CADPS: variants seen among roughly 807,000 people sequenced by gnomAD.
The protein encoded by CADPS is calcium dependent secretion activator.
CADPS carries 57 observed loss-of-function variants against 167.3 expected under a neutral mutation model. The observed-to-expected ratio is 0.34, with a 90% CI of 0.28 to 0.42. CADPS has a LOEUF of 0.42. Ranked by LOEUF, CADPS falls within the 20% of genes least tolerant of loss-of-function variation. The probability of loss-of-function intolerance (pLI) is 1.00; values close to 1 mark genes in which losing one functional copy is unlikely to be tolerated. For synonymous variants in CADPS, 676 were observed against 635.3 expected, an observed-to-expected ratio of 1.06 and a Z score of -0.96; for missense variants, 1,414 against 1,738.1, an observed-to-expected ratio of 0.81 and a Z score of 3.32.
In CADPS at chr3:62,544,733, G is replaced by C. The variant is rs1188987707; in HGVS notation, c.1966+5170C>G. On this transcript the variant is annotated intron_variant, in intron 11 of 29. Transcript: ENST00000383710. The surrounding 1 kb of genome is among the most constrained non-coding windows in gnomAD (Gnocchi z 4.4). ...TAAGGTCAGGAAAATAACATGAAAA[G>C]TTGTACTACAAATTCTAGACATGAG... 1 of 366,058 alleles carries C rather than the reference G, an allele frequency of 2.7e-6. No homozygotes were observed. The highest frequency in any genetic ancestry group is 1.4e-4 in the East Asian group (1 of 6,992). 22.7% of individuals were successfully genotyped at this position (366,058 alleles called of 1,614,324 possible).
intron 11 of CADPS, among the ~76,000 whole-genome samples, chr3:62,540,571 T>C (rs944938284): frequency 5.9e-5 from 9 of 152,134 alleles, no homozygotes; most frequent in Non-Finnish European, 1.3e-4. Flanking sequence ...GAAAAAAATC[T>C]TATAGAAGGA....
Position 62,514,660 on chromosome 3 carries a change from C to G in CADPS, c.2581+1399G>C, listed in dbSNP as rs192907029. Reference sequence around the variant, plus strand: ...GATAGATTTATCTGAAAGAAGAGAGCAGATCTTACCAAAAGACTAGTAGTA... The same window carrying G: ...GATAGATTTATCTGAAAGAAGAGAGGAGATCTTACCAAAAGACTAGTAGTA... On this transcript the variant is annotated intron_variant, in intron 16 of 29. Transcript: ENST00000383710. This position sits in a 1 kb window ranked among gnomAD's most constrained non-coding sequence, Gnocchi z 4.2. Among the ~76,000 whole-genome samples the G allele has an allele frequency of 6.6e-6, 1 of 152,194 alleles. No homozygotes were observed. Among genetic ancestry groups the G allele is most frequent in the East Asian group, 1.9e-4 (1 of 5,170 alleles).
chr3:62,808,446 A>G (rs1167262688), intron 1 of CADPS, among the ~76,000 whole-genome samples: 1 of 152,138 alleles, frequency 6.6e-6, no homozygotes, highest in Non-Finnish European at 1.5e-5. Context: ...GGGTGCGGTC[A>G]AAAAGTCCTG....
chr3:62,846,751 C>A (rs185367488), intron 1 of CADPS, among the ~76,000 whole-genome samples: 1 of 152,164 alleles, frequency 6.6e-6, no homozygotes, highest in African/African-American at 2.4e-5. Context: ...ACAACTTCCA[C>A]CTCCAGAGTT....
At position 62,471,388 on chromosome 3, in the gene CADPS, C is replaced by T. The variant is rs146372730; in HGVS notation, c.3477+2785G>A. ...TTGGTCAAGAAGGTCCCCAGGTCGTCTGAAATTGTAGAGTAATAATATATG... is the reference window on the plus strand; with the variant it reads ...TTGGTCAAGAAGGTCCCCAGGTCGTTTGAAATTGTAGAGTAATAATATATG... On this transcript the variant is annotated intron_variant, in intron 24 of 29. Coordinates refer to ENST00000383710, the MANE Select transcript of CADPS (RefSeq NM_003716.4). Among the ~76,000 whole-genome samples, 4 of 152,256 alleles carry T rather than the reference C, an allele frequency of 2.6e-5. No homozygotes were observed. The East Asian group carries it at 7.7e-4, about 29-fold the overall frequency.
At chr3:62,409,439 T>C (rs932778254) in intron 28 of CADPS, among the ~76,000 whole-genome samples, 2 of 152,236 alleles carry the variant, frequency 1.3e-5, no homozygotes, top group Non-Finnish European at 2.9e-5. Flanking sequence ...TTTATGAAGA[T>C]AGAAAGTTGC....
chr3:62,785,072 C>T (rs2092288337), intron 1 of CADPS, among the ~76,000 whole-genome samples: 1 of 151,888 alleles, frequency 6.6e-6, no homozygotes, highest in Non-Finnish European at 1.5e-5. Flanking sequence ...TAAAATAATT[C>T]ATTTCAGGAG....
chr3:62,473,618 G>A (rs2060887138), intron 24 of CADPS: 1 of 152,006 alleles, frequency 6.6e-6, no homozygotes, highest in African/African-American at 2.4e-5. Context: ...ACTTAGCAAA[G>A]GACTAAACTT....
chr3:62,606,067 T>C (rs2060651511), intron 6 of CADPS, among the ~76,000 whole-genome samples: 1 of 152,102 alleles, frequency 6.6e-6, no homozygotes, highest in Non-Finnish European at 1.5e-5. Flanking sequence ...TTATCTTCCT[T>C]CACTGGCCCT....
chr3:62,445,863 C>T (rs375727940), intron 26 of CADPS, 66 bp from the exon 27 acceptor site: 2 of 1,119,740 alleles, frequency 1.8e-6, no homozygotes, highest in Non-Finnish European at 2.4e-6. Flanking sequence ...CTGCTCAATG[C>T]TGTATCCCCA....
At chr3:62,677,913 G>A (rs1563732963) in intron 3 of CADPS, among the ~76,000 whole-genome samples, 3 of 152,078 alleles carry the variant, frequency 2.0e-5, no homozygotes, top group Non-Finnish European at 1.5e-5. Flanking sequence ...AGGTATTTCC[G>A]GAATTCTGCT....
intron 3 of CADPS, among the ~76,000 whole-genome samples, chr3:62,708,635 G>A (rs943757306): frequency 1.3e-5 from 2 of 151,908 alleles, no homozygotes; most frequent in Admixed American, 1.3e-4. Context: ...GGCTGAGTTG[G>A]GGAATGTAGA....
chr3:62,424,878 T>C (rs1359913471), intron 28 of CADPS, among the ~76,000 whole-genome samples: 1 of 152,210 alleles, frequency 6.6e-6, no homozygotes, highest in African/African-American at 2.4e-5. Flanking sequence ...CACAAGATAC[T>C]ATCAGGGCTA....
chr3:62,575,392 C>G (rs1279753208), intron 8 of CADPS, among the ~76,000 whole-genome samples: 1 of 152,146 alleles, frequency 6.6e-6, no homozygotes, highest in African/African-American at 2.4e-5. Context: ...CATGTGCAAA[C>G]TTGGGCAAAT....
intron 3 of CADPS, among the ~76,000 whole-genome samples, chr3:62,708,053 G>A (rs530133796): frequency 1.6e-4 from 25 of 152,124 alleles, no homozygotes; most frequent in African/African-American, 6.0e-4. Context: ...AGCCTTCTGA[G>A]TATCTGGGAC....
rs920677580 is a variant in CADPS, at chr3:62,398,753, T to A, written c.*653A>T. 3.9e-5 allele frequency: 6 copies of A among 152,136 alleles called. No homozygotes were observed. Among genetic ancestry groups the A allele is most frequent in the African/African-American group, 2.4e-5 (1 of 41,488 alleles). 9.4% of individuals were successfully genotyped at this position (152,136 alleles called of 1,614,324 possible). Reference sequence around the variant, plus strand: ...CGCTTGATGTTAAGTCATGATAGGATCGCCCCCTTGCCGTGGCAATTAAGA... The same window carrying A: ...CGCTTGATGTTAAGTCATGATAGGAACGCCCCCTTGCCGTGGCAATTAAGA... On this transcript the variant is annotated 3_prime_UTR_variant, in exon 30 of 30. Coordinates refer to ENST00000383710, the MANE Select transcript of CADPS (RefSeq NM_003716.4).
intron 28 of CADPS, among the ~76,000 whole-genome samples, chr3:62,431,617 C>A (rs1476569654): frequency 1.3e-5 from 2 of 151,232 alleles, no homozygotes; most frequent in Non-Finnish European, 2.9e-5. Context: ...GCACGGCAGT[C>A]CCTATAACAA....
intron 28 of CADPS, among the ~76,000 whole-genome samples, chr3:62,434,834 C>T (rs758978288): frequency 1.3e-4 from 20 of 152,154 alleles, no homozygotes; most frequent in Admixed American, 7.9e-4. Flanking sequence ...TACAAGGGCA[C>T]ACTCAGAAGG....
In CADPS at chr3:62,474,153, A is replaced by ATTTTTTTTTTTTTTTTTTT. The variant is rs61586697; in HGVS notation, c.3477+19_3477+20insAAAAAAAAAAAAAAAAAAA. 759 of 740,062 alleles carry ATTTTTTTTTTTTTTTTTTT rather than the reference A, an allele frequency of 1.0e-3. 135 individuals are homozygous for ATTTTTTTTTTTTTTTTTTT. The highest frequency in any genetic ancestry group is 2.3e-3 in the African/African-American group (72 of 31,928). The allele number at this position is 740,062 out of a possible 1,614,324, so 45.8% of individuals were successfully genotyped here. On this transcript the variant is annotated intron_variant, in intron 24 of 29. Coordinates refer to ENST00000383710, the MANE Select transcript of CADPS (RefSeq NM_003716.4). ...AATGAAGAGGGAAAAAAAAATCTGT[A>ATTTTTTTTTTTTTTTTTTT]TTTTTTTTTTTTTTTTTACCTCTTG...
Sources: gnomAD v4.1 joint callset for allele counts (sites outside exome capture counted in the v4.1 genomes callset) on GRCh38, gnomAD v4.1.1 for gene constraint, Gnocchi (gnomAD v3.1) non-coding constraint, MANE v1.5 for transcripts, NCBI Gene and HGNC (gene_info 2026-07-23, HGNC 2026-07-21) for gene names.